The following NTRK3 variants were observed in gnomAD, a reference collection of about 807,000 sequenced individuals.
The protein encoded by NTRK3 is NT-3 growth factor receptor.
A neutral mutation model predicts 91.7 loss-of-function variants in NTRK3; 24 were observed. The observed-to-expected ratio is 0.26, with a 90% CI of 0.19 to 0.37. The LOEUF (loss-of-function observed/expected upper bound fraction) is 0.37. Ranked by LOEUF, NTRK3 falls within the 10% of genes least tolerant of loss-of-function variation. NTRK3 has a pLI of 1.00. For synonymous variants in NTRK3, 483 were observed against 404.0 expected, an observed-to-expected ratio of 1.20 and a Z score of -2.34; for missense variants, 880 against 1,068.9, an observed-to-expected ratio of 0.82 and a Z score of 2.46.
At position 88,237,719 on chromosome 15, in the gene NTRK3, C is replaced by T. The variant is rs147993538; in HGVS notation, c.248+18187G>A. On this transcript the variant is annotated intron_variant, in intron 3 of 18. Transcript: ENST00000394480. The surrounding 1 kb of genome is among the most constrained non-coding windows in gnomAD (Gnocchi z 4.0). ...CACAGGGCTCTCTTGCTTACATGAC[C>T]GACTAAGCAGACACTTTGGGCATTC... is the stretch of plus-strand genomic sequence containing the variant. 1.3e-4 allele frequency among the ~76,000 whole-genome samples: 20 copies of T among 151,908 alleles called. No individual in the cohort carries two copies. Among genetic ancestry groups the T allele is most frequent in the African/African-American group, 4.3e-4 (18 of 41,408 alleles).
intron 17 of NTRK3, among the ~76,000 whole-genome samples, chr15:87,910,708 C>G (rs566128884): frequency 6.6e-6 from 1 of 152,064 alleles, no homozygotes; most frequent in Non-Finnish European, 1.5e-5. Flanking sequence ...GGAGAGAAAC[C>G]AATGGAGCAG....
At chr15:88,059,025 G>A (rs2045968272) in intron 13 of NTRK3, among the ~76,000 whole-genome samples, 1 of 150,652 alleles carries the variant, frequency 6.6e-6, no homozygotes, top group African/African-American at 2.4e-5. Flanking sequence ...AAGGTGCATG[G>A]CCCCTTTATT....
chr15:88,059,095 GC>G (rs2045980827), intron 13 of NTRK3, among the ~76,000 whole-genome samples: 1 of 151,522 alleles, frequency 6.6e-6, no homozygotes, highest in Admixed American at 6.6e-5. Context: ...TCTGGCTACA[GC>G]CATTTAGAGC....
At chr15:87,951,190 G>A (rs947895113) in intron 14 of NTRK3, among the ~76,000 whole-genome samples, 8 of 152,108 alleles carry the variant, frequency 5.3e-5, no homozygotes, top group African/African-American at 9.7e-5. Context: ...TCCCCAACAC[G>A]GGAAATAATC....
chr15:87,903,911 A>T (rs1406045144), intron 17 of NTRK3, among the ~76,000 whole-genome samples: 1 of 152,162 alleles, frequency 6.6e-6, no homozygotes, highest in East Asian at 1.9e-4. Context: ...AGACATCTTC[A>T]CTGCAACCAG....
intron 6 of NTRK3, among the ~76,000 whole-genome samples, chr15:88,145,689 C>T (rs2151299239): frequency 6.6e-6 from 1 of 152,270 alleles, no homozygotes; most frequent in Admixed American, 6.5e-5. Flanking sequence ...ATAATTCAGC[C>T]AACAGCAGAC....
At chr15:87,896,028 A>G (rs2066102271) in intron 17 of NTRK3, among the ~76,000 whole-genome samples, 2 of 152,022 alleles carry the variant, frequency 1.3e-5, no homozygotes, top group Admixed American at 1.3e-4. Flanking sequence ...ATATTTCCTA[A>G]ATGTATTTGA....
chr15:87,865,928 T>A (rs1159009017), exon 19 of NTRK3: 2 of 230,896 alleles, frequency 8.7e-6, no homozygotes, highest in African/African-American at 4.4e-5. Context: ...AGCAAAAATT[T>A]AGGGAAGATA....
chr15:88,217,468 G>A (rs1598010710), intron 3 of NTRK3, among the ~76,000 whole-genome samples: 1 of 152,280 alleles, frequency 6.6e-6, no homozygotes, highest in African/African-American at 2.4e-5. Flanking sequence ...TGAACCTTGA[G>A]GACATTATGC....
At chr15:87,966,323 C>T (rs2072789943) in intron 14 of NTRK3, among the ~76,000 whole-genome samples, 1 of 152,174 alleles carries the variant, frequency 6.6e-6, no homozygotes, top group Non-Finnish European at 1.5e-5. Context: ...CATGTCTTAT[C>T]CTCCTGCCCT....
chr15:88,081,183 A>G (rs7176834), intron 13 of NTRK3, among the ~76,000 whole-genome samples: 4,645 of 152,170 alleles, frequency 0.031, 228 homozygotes, highest in African/African-American at 0.1. Flanking sequence ...CCAGGCTGAG[A>G]TTGAGGCCTC....
chr15:88,256,634 A>G lies in NTRK3; in HGVS notation c.-219+10T>C. The G allele has an allele frequency of 4.7e-6, 2 of 427,758 alleles. No individual in the cohort carries two copies. Among genetic ancestry groups the G allele is most frequent in the Non-Finnish European group, 8.1e-6 (2 of 248,220 alleles). The allele number at this position is 427,758 out of a possible 1,614,324, so 26.5% of individuals were successfully genotyped here. A position where few individuals can be genotyped will look rare whatever the true frequency, so the allele number is the denominator to read the frequency against. On this transcript the variant is annotated intron_variant, in intron 1 of 18. Coordinates refer to ENST00000394480, the Ensembl canonical transcript of NTRK3. ...AAAACACACACACTCACTCTCACAC[A>G]TACACACACCCGGAGCCCGAGGAAA...
chr15:87,879,451 C>T (rs770119980), intron 18 of NTRK3, among the ~76,000 whole-genome samples: 1 of 152,160 alleles, frequency 6.6e-6, no homozygotes, highest in African/African-American at 2.4e-5. Context: ...GCTTTGGAGG[C>T]AGAGGAGTCC....
At chr15:87,888,664 A>C (rs1252021987) in intron 17 of NTRK3, among the ~76,000 whole-genome samples, 1 of 152,224 alleles carries the variant, frequency 6.6e-6, no homozygotes, top group Non-Finnish European at 1.5e-5. Context: ...TGCCAGATTA[A>C]ACACAGGATG....
chr15:87,960,141 T>C (rs2072104940), intron 14 of NTRK3, among the ~76,000 whole-genome samples: 2 of 152,196 alleles, frequency 1.3e-5, no homozygotes, highest in African/African-American at 4.8e-5. Flanking sequence ...AGTACCTTGT[T>C]TGGGTCCCTC....
rs78278770 is a variant in NTRK3, at chr15:87,914,796, T to C, written c.2133+14395A>G. ...AAAGTTCCAAGCTGGCTGAAGAGGC[T>C]GGAAAGCATGACTCAATGGAGGAAG... On this transcript the variant is annotated intron_variant, in intron 17 of 18. Transcript: ENST00000394480. Among the ~76,000 whole-genome samples, 939 of 152,306 alleles carry C rather than the reference T, an allele frequency of 6.2e-3. 16 individuals carry two copies. Among genetic ancestry groups the C allele is most frequent in the East Asian group, 0.035 (182 of 5,190 alleles).
chr15:88,006,166 T>C (rs1485401890), intron 14 of NTRK3, among the ~76,000 whole-genome samples: 2 of 152,180 alleles, frequency 1.3e-5, no homozygotes, highest in African/African-American at 4.8e-5. Context: ...GGGTGGATGA[T>C]TAAACTAGAA....
intron 13 of NTRK3, among the ~76,000 whole-genome samples, chr15:88,085,493 G>C (rs941458932): frequency 1.3e-5 from 2 of 152,154 alleles, no homozygotes; most frequent in African/African-American, 4.8e-5. Flanking sequence ...CCCAGAATGA[G>C]AAACATGGGG....
At chr15:88,175,281 A>G (rs915769873) in intron 5 of NTRK3, among the ~76,000 whole-genome samples, 1 of 152,242 alleles carries the variant, frequency 6.6e-6, no homozygotes, top group Non-Finnish European at 1.5e-5. Context: ...CTGGAACAGT[A>G]ACATCCTTTG....
Sources: allele counts gnomAD v4.1 joint callset (sites outside exome capture counted in the v4.1 genomes callset), GRCh38; gene constraint gnomAD v4.1.1; non-coding constraint Gnocchi (gnomAD v3.1); transcripts MANE v1.5; gene names NCBI Gene and HGNC (gene_info 2026-07-23, HGNC 2026-07-21).